KCNAB1: variants seen among roughly 807,000 people sequenced by gnomAD.
KCNAB1 encodes voltage-gated potassium channel subunit beta-1.
KCNAB1 carries 35 observed loss-of-function variants against 64.6 expected under a neutral mutation model. That is an observed-to-expected ratio of 0.54 (90% CI 0.41 to 0.72). The LOEUF is 0.72. KCNAB1 is among the 30% of genes least tolerant of loss of function. The probability of loss-of-function intolerance (pLI) is 0.00; values close to 1 mark genes in which losing one functional copy is unlikely to be tolerated. For synonymous variants in KCNAB1, 177 were observed against 183.8 expected (o/e 0.96, Z 0.30); for missense variants, 401 against 512.9 (o/e 0.78, Z 2.11).
intron 1 of KCNAB1, among the ~76,000 whole-genome samples, chr3:156,251,614 G>A (rs953734610): frequency 2.6e-5 from 4 of 152,124 alleles, no homozygotes; most frequent in African/African-American, 9.7e-5. Context: ...GGCTTGGGAG[G>A]AGGGGTATCC....
At chr3:156,529,388 T>C (rs1718537592) in intron 12 of KCNAB1, among the ~76,000 whole-genome samples, 1 of 152,062 alleles carries the variant, frequency 6.6e-6, no homozygotes, top group South Asian at 2.1e-4. Flanking sequence ...TGGTGAAGGT[T>C]GCACCTTAAA....
At chr3:156,362,974 G>T (rs1725706885) in intron 1 of KCNAB1, among the ~76,000 whole-genome samples, 1 of 152,214 alleles carries the variant, frequency 6.6e-6, no homozygotes, top group African/African-American at 2.4e-5. Context: ...TTCTGGCCAT[G>T]TGGAGAAGGG....
chr3:156,424,738 C>G (rs1715701936), intron 2 of KCNAB1, among the ~76,000 whole-genome samples: 1 of 152,134 alleles, frequency 6.6e-6, no homozygotes, highest in Non-Finnish European at 1.5e-5. Context: ...TCTCCAGAGG[C>G]CAGTCTCCAG....
chr3:156,211,972 C>T (rs1390774012), intron 1 of KCNAB1, among the ~76,000 whole-genome samples: 1 of 152,198 alleles, frequency 6.6e-6, no homozygotes, highest in East Asian at 1.9e-4. Flanking sequence ...AGGGGTGATG[C>T]TGGCTAATGT....
chr3:156,323,084 C>G (rs559075682), intron 1 of KCNAB1, among the ~76,000 whole-genome samples: 2 of 152,180 alleles, frequency 1.3e-5, no homozygotes, highest in South Asian at 2.1e-4. Context: ...CACTGATCAG[C>G]AGGCCCTTTG....
chr3:156,475,468 AAG>A (rs774466261), intron 8 of KCNAB1, among the ~76,000 whole-genome samples: 12 of 152,228 alleles, frequency 7.9e-5, no homozygotes, highest in Admixed American at 1.3e-4. Flanking sequence ...TTTGAGACAG[AAG>A]ATAGTTTGAG....
At chr3:156,295,084 A>G (rs1720692334) in intron 1 of KCNAB1, among the ~76,000 whole-genome samples, 1 of 151,222 alleles carries the variant, frequency 6.6e-6, no homozygotes, top group African/African-American at 2.4e-5. Context: ...CAAACAAGCA[A>G]ACAAACAAAT....
chr3:156,318,229 C>T (rs902707285), intron 1 of KCNAB1, among the ~76,000 whole-genome samples: 3 of 152,146 alleles, frequency 2.0e-5, no homozygotes, highest in African/African-American at 7.2e-5. Context: ...ATCCATAGCT[C>T]ATGATTTTCT....
At chr3:156,160,052 C>T (rs1715984368) in intron 1 of KCNAB1, among the ~76,000 whole-genome samples, 1 of 152,204 alleles carries the variant, frequency 6.6e-6, no homozygotes, top group South Asian at 2.1e-4. Context: ...GATGAATGCT[C>T]TCTTGATAGT....
chr3:156,420,025 T>G (rs1186528600), intron 1 of KCNAB1, among the ~76,000 whole-genome samples: 2 of 152,238 alleles, frequency 1.3e-5, no homozygotes, highest in African/African-American at 4.8e-5. Flanking sequence ...TTCGTCCCAT[T>G]TAGTGGTTCA....
At chr3:156,461,544 T>C (rs1712911233) in intron 5 of KCNAB1, among the ~76,000 whole-genome samples, 1 of 152,206 alleles carries the variant, frequency 6.6e-6, no homozygotes, top group Non-Finnish European at 1.5e-5. Flanking sequence ...GTTAGGACTT[T>C]AACATATCTT....
Position 156,177,380 on chromosome 3 carries a change from T to C in KCNAB1, c.275+56494T>C, listed in dbSNP as rs151047482. Among the ~76,000 whole-genome samples, 1,033 of 152,310 alleles carry C rather than the reference T, an allele frequency of 6.8e-3. 16 individuals carry two copies. The highest frequency in any genetic ancestry group is 0.024 in the African/African-American group (981 of 41,552). ...AATTTATGGTATTTTTATTTCTTTA[T>C]TTCTTTATTTATTTGAGAGGGAGTC... On this transcript the variant is annotated intron_variant, in intron 1 of 13. Transcript: ENST00000490337.
At chr3:156,368,453 G>GTC (rs759161165) in intron 1 of KCNAB1, among the ~76,000 whole-genome samples, 4 of 152,154 alleles carry the variant, frequency 2.6e-5, no homozygotes, top group Non-Finnish European at 4.4e-5. Context: ...TAGAGACAGG[G>GTC]TCTCTCTCTG....
intron 2 of KCNAB1, among the ~76,000 whole-genome samples, chr3:156,432,983 C>T (rs1409800509): frequency 1.3e-5 from 2 of 152,184 alleles, no homozygotes; most frequent in Admixed American, 6.5e-5. Context: ...TTTGCTGCCT[C>T]GGATGTTGCC....
Position 156,219,695 on chromosome 3 carries a change from T to TTTTTTA in KCNAB1, c.275+98811_275+98812insTTTATT, listed in dbSNP as rs1364657333. 6.0e-3 allele frequency among the ~76,000 whole-genome samples: 880 copies of TTTTTTA among 146,770 alleles called. 11 individuals carry two copies. The highest frequency in any genetic ancestry group is 0.021 in the African/African-American group (832 of 40,112). On this transcript the variant is annotated intron_variant, in intron 1 of 13. Coordinates refer to ENST00000490337, the MANE Select transcript of KCNAB1 (RefSeq NM_172160.3). ...AGTCAAAAGCGAAGGAAGGAATCTT[T>TTTTTTA]TTATTATTATTATTATTATTATTAT...
At chr3:156,164,608 T>C (rs1008044112) in intron 1 of KCNAB1, among the ~76,000 whole-genome samples, 4 of 152,242 alleles carry the variant, frequency 2.6e-5, no homozygotes, top group Non-Finnish European at 5.9e-5. Flanking sequence ...GAAGGAATTA[T>C]GATGTTTGTT....
intron 1 of KCNAB1, among the ~76,000 whole-genome samples, chr3:156,173,688 GC>G (rs142944808): frequency 0.017 from 2,624 of 152,300 alleles, 49 homozygotes; most frequent in South Asian, 0.031. Context: ...CAAATTGTAT[GC>G]GATGGTTAAT....
At chr3:156,482,369 A>C (rs1022315103) in intron 8 of KCNAB1, among the ~76,000 whole-genome samples, 1 of 152,126 alleles carries the variant, frequency 6.6e-6, no homozygotes, top group Admixed American at 6.6e-5. Flanking sequence ...AGAAGTTAAT[A>C]AACAAAAATC....
chr3:156,149,231 C>T (rs892988912), intron 1 of KCNAB1, among the ~76,000 whole-genome samples: 3 of 151,884 alleles, frequency 2.0e-5, no homozygotes, highest in Non-Finnish European at 2.9e-5. Flanking sequence ...ATCTAAGCTA[C>T]TAGATGGTAG....
Sources: allele counts gnomAD v4.1 joint callset (sites outside exome capture counted in the v4.1 genomes callset), GRCh38; gene constraint gnomAD v4.1.1; transcripts MANE v1.5; gene names NCBI Gene and HGNC (gene_info 2026-07-23, HGNC 2026-07-21).